The following MANBA variants were observed in gnomAD, a reference collection of about 807,000 sequenced individuals.
The protein encoded by MANBA is mannosidase beta.
A neutral mutation model predicts 111.1 loss-of-function variants in MANBA; 83 were observed. That is an observed-to-expected ratio of 0.75 (90% CI 0.63 to 0.90). MANBA has a LOEUF of 0.90. Ranked by LOEUF, MANBA falls within the 40% of genes least tolerant of loss-of-function variation. The pLI is 0.00. For missense variants in MANBA, 1,036 were observed against 1,069.0 expected (o/e 0.97, Z 0.43); for synonymous variants, 370 against 378.7 (o/e 0.98, Z 0.27).
At chr4:102,742,298 T>A (rs1213376162) in intron 1 of MANBA, among the ~76,000 whole-genome samples, 2 of 152,208 alleles carry the variant, frequency 1.3e-5, no homozygotes, top group Non-Finnish European at 2.9e-5. Context: ...CAGAACGTAA[T>A]GTCGCAGGAA....
chr4:102,709,419 G>T (rs1560788922), intron 5 of MANBA, among the ~76,000 whole-genome samples: 1 of 128,088 alleles, frequency 7.8e-6, no homozygotes. Context: ...AAGAAAGAAA[G>T]AGAAAGAGAG....
chr4:102,747,158 G>GATATATATATATATATATATATATATAT (rs144093849), intron 1 of MANBA, among the ~76,000 whole-genome samples: 22 of 145,464 alleles, frequency 1.5e-4, no homozygotes, highest in African/African-American at 4.3e-4. Context: ...GAACTAATGG[G>GATATATATATATATATATATATATATAT]ATATATATAT....
At chr4:102,742,973 G>A (rs1413402557) in intron 1 of MANBA, among the ~76,000 whole-genome samples, 1 of 152,164 alleles carries the variant, frequency 6.6e-6, no homozygotes, top group Non-Finnish European at 1.5e-5. Flanking sequence ...ATGTTGCTGA[G>A]TCCATGTGTA....
chr4:102,698,054 C>T (rs1732815924), intron 5 of MANBA, among the ~76,000 whole-genome samples: 1 of 151,906 alleles, frequency 6.6e-6, no homozygotes, highest in African/African-American at 2.4e-5. Context: ...GCCATTCTAA[C>T]TGGTGTGAGA....
chr4:102,664,388 G>A (rs576191763), intron 11 of MANBA, among the ~76,000 whole-genome samples: 18 of 147,582 alleles, frequency 1.2e-4, no homozygotes, highest in African/African-American at 2.5e-4. Flanking sequence ...TCGCCCTGTC[G>A]CCCAGGCTGG....
intron 13 of MANBA, among the ~76,000 whole-genome samples, chr4:102,648,348 G>T (rs1435488180): frequency 6.6e-6 from 1 of 152,054 alleles, no homozygotes; most frequent in Admixed American, 6.6e-5. Context: ...AGATGAACCT[G>T]ACGAATGGAT....
At chr4:102,750,393 T>TG (rs1251050780) in intron 1 of MANBA, among the ~76,000 whole-genome samples, 2 of 152,190 alleles carry the variant, frequency 1.3e-5, no homozygotes, top group Admixed American at 6.5e-5. Context: ...AAGATCTCTG[T>TG]GGAAGGTTAG....
At chr4:102,678,793 C>T (rs1422029968) in intron 7 of MANBA, among the ~76,000 whole-genome samples, 1 of 152,090 alleles carries the variant, frequency 6.6e-6, no homozygotes, top group Admixed American at 6.6e-5. Context: ...AACTAAAGGG[C>T]CTAAGAGGTA....
At position 102,726,625 on chromosome 4, in the gene MANBA, G is replaced by C; in HGVS notation, c.236C>G (p.Thr79Ser). ...NYRWVSLDNW[T>S]YSKEFKIPFE... is the part of the protein sequence containing the mutation. Reference sequence around the variant, plus strand: ...GGGGATTTTAAATTCTTTGCTATAGGTCCAGTTATCCAAAGAGACCCATCT... The same window carrying C: ...GGGGATTTTAAATTCTTTGCTATAGCTCCAGTTATCCAAAGAGACCCATCT... The change falls in exon 2 of 17, where the codon ACC (threonine) becomes AGC (serine). Residue 79 changes from threonine to serine, a missense_variant. Physicochemically the swap from Thr to Ser is moderately conservative, Grantham distance 58. Transcript: ENST00000647097. 6.4e-7 allele frequency: 1 copy of C among 1,566,290 alleles called. No individual in the cohort carries two copies. Among genetic ancestry groups the C allele is most frequent in the South Asian group, 1.1e-5 (1 of 89,650 alleles).
intron 5 of MANBA, among the ~76,000 whole-genome samples, chr4:102,711,793 A>G (rs1465029258): frequency 1.3e-5 from 2 of 152,212 alleles, no homozygotes; most frequent in Non-Finnish European, 2.9e-5. Context: ...TCATTATGTT[A>G]AGTGAAATTA....
chr4:102,729,131 T>C (rs1722926171), intron 1 of MANBA: 1 of 730,498 alleles, frequency 1.4e-6, no homozygotes, highest in South Asian at 1.4e-5. Flanking sequence ...GGCGTTGGCA[T>C]CCTTAACAGC....
At chr4:102,741,368 A>T (rs1358379395) in intron 1 of MANBA, among the ~76,000 whole-genome samples, 1 of 152,216 alleles carries the variant, frequency 6.6e-6, no homozygotes, top group Non-Finnish European at 1.5e-5. Flanking sequence ...ACAACTAAGG[A>T]AAACAGTATG....
chr4:102,670,550 TAAC>T (rs1731450156), intron 9 of MANBA, among the ~76,000 whole-genome samples: 1 of 152,106 alleles, frequency 6.6e-6, no homozygotes, highest in Non-Finnish European at 1.5e-5. Context: ...AAGTACTTAA[TAAC>T]AATATTAGGG....
intron 5 of MANBA, among the ~76,000 whole-genome samples, chr4:102,694,331 C>T (rs1016126201): frequency 6.6e-6 from 1 of 152,154 alleles, no homozygotes; most frequent in African/African-American, 2.4e-5. Context: ...AAACCCCTTC[C>T]TTCCAGTAGC....
chr4:102,673,394 G>A (rs2110225748), intron 8 of MANBA, among the ~76,000 whole-genome samples: 1 of 151,932 alleles, frequency 6.6e-6, no homozygotes, highest in African/African-American at 2.4e-5. Flanking sequence ...TGTAATCCCA[G>A]CTACTTGGGA....
chr4:102,662,287 A>C (rs533025050), intron 11 of MANBA, among the ~76,000 whole-genome samples: 12 of 152,272 alleles, frequency 7.9e-5, no homozygotes, highest in African/African-American at 2.6e-4. Flanking sequence ...CACACCTGTA[A>C]TCCCAGCACT....
At chr4:102,646,732 G>A (rs1173658916) in intron 13 of MANBA, among the ~76,000 whole-genome samples, 1 of 152,096 alleles carries the variant, frequency 6.6e-6, no homozygotes, top group Non-Finnish European at 1.5e-5. Context: ...TAAAGAGGGT[G>A]TGCTCATGTA....
At chr4:102,686,480 T>A (rs1240345755) in intron 7 of MANBA, among the ~76,000 whole-genome samples, 1 of 152,162 alleles carries the variant, frequency 6.6e-6, no homozygotes, top group Non-Finnish European at 1.5e-5. Flanking sequence ...AATCAGACGC[T>A]TTCAGAAGAG....
intron 1 of MANBA, among the ~76,000 whole-genome samples, chr4:102,726,923 A>C (rs115599707): frequency 8.6e-4 from 131 of 152,342 alleles, no homozygotes; most frequent in African/African-American, 3.0e-3. Context: ...CTTCATTATC[A>C]AAGAAAATTG....
Sources: gnomAD v4.1 joint callset for allele counts (sites outside exome capture counted in the v4.1 genomes callset) on GRCh38, gnomAD v4.1.1 for gene constraint, MANE v1.5 for transcripts, NCBI Gene and HGNC (gene_info 2026-07-23, HGNC 2026-07-21) for gene names.